The following ACBD6 variants were observed in gnomAD, a reference collection of about 807,000 sequenced individuals.
ACBD6 encodes acyl-CoA-binding domain-containing protein 6.
In ACBD6, 28 loss-of-function variants were observed where a neutral mutation model predicts 37.2. The observed-to-expected ratio is 0.75, with a 90% confidence interval of 0.56 to 1.03. The LOEUF is 1.03. Ranked by LOEUF, ACBD6 falls within the 50% of genes least tolerant of loss-of-function variation. ACBD6 has a pLI of 0.00. For synonymous variants in ACBD6, 113 were observed against 126.8 expected (o/e 0.89, Z 0.73); for missense variants, 340 against 337.4 (o/e 1.01, Z -0.06).
intron 8 of ACBD6, among the ~76,000 whole-genome samples, chr1:180,281,755 A>T (rs996919163): frequency 6.6e-6 from 1 of 151,984 alleles, no homozygotes; most frequent in African/African-American, 2.4e-5. Context: ...GTATTGAGTT[A>T]GGAGGGAGAA....
intron 6 of ACBD6, among the ~76,000 whole-genome samples, chr1:180,391,002 T>C (rs1384000145): frequency 6.6e-6 from 1 of 152,136 alleles, no homozygotes; most frequent in Non-Finnish European, 1.5e-5. Context: ...TGGAATAAAA[T>C]TAAGAATCTA....
chr1:180,413,332 T>G (rs74132812), intron 5 of ACBD6, 34 bp downstream of exon 5: 2 of 1,542,118 alleles, frequency 1.3e-6, no homozygotes, highest in South Asian at 2.2e-5. Context: ...CAACCATGCA[T>G]AGGAAAATAA....
At chr1:180,372,662 T>C (rs79372238) in intron 6 of ACBD6, among the ~76,000 whole-genome samples, 3,165 of 152,248 alleles carry the variant, frequency 0.021, 51 homozygotes, top group Non-Finnish European at 0.026. Flanking sequence ...ATGTAAAAAA[T>C]GCATCCTTAG....
chr1:180,440,249 C>T (rs55660948), intron 3 of ACBD6, among the ~76,000 whole-genome samples: 6,838 of 152,150 alleles, frequency 0.045, 225 homozygotes, highest in South Asian at 0.088. Flanking sequence ...GCTGGGATTA[C>T]AGATGCCCAC....
chr1:180,444,286 C>CAA (rs71719682), intron 3 of ACBD6, among the ~76,000 whole-genome samples: 1 of 114,770 alleles, frequency 8.7e-6, no homozygotes, highest in African/African-American at 3.1e-5. Flanking sequence ...TCCGTCTCTC[C>CAA]AAAAAAAAAA....
chr1:180,409,788 C>T (rs1035727760), intron 5 of ACBD6, among the ~76,000 whole-genome samples: 1 of 152,172 alleles, frequency 6.6e-6, no homozygotes, highest in East Asian at 1.9e-4. Context: ...ATACAATAGT[C>T]TCTAAGTTTC....
downstream of ACBD6, among the ~76,000 whole-genome samples, chr1:180,283,235 A>G (rs1649370734): frequency 6.6e-6 from 1 of 152,222 alleles, no homozygotes; most frequent in Non-Finnish European, 1.5e-5. Flanking sequence ...GAGAGGAAAA[A>G]TAAATCCTGC....
intron 6 of ACBD6, among the ~76,000 whole-genome samples, chr1:180,379,236 A>G (rs1439188701): frequency 6.6e-6 from 1 of 152,248 alleles, no homozygotes; most frequent in East Asian, 1.9e-4. Flanking sequence ...CACCATAGAT[A>G]TATCTGTAGG....
intron 3 of ACBD6, among the ~76,000 whole-genome samples, chr1:180,431,562 C>T (rs908052189): frequency 3.3e-5 from 5 of 151,978 alleles, no homozygotes; most frequent in African/African-American, 1.2e-4. Flanking sequence ...TACAATGGTT[C>T]GATTTATGAT....
At chr1:180,450,166 ATAAT>A in intron 3 of ACBD6, among the ~76,000 whole-genome samples, 1 of 152,364 alleles carries the variant, frequency 6.6e-6, no homozygotes, top group African/African-American at 2.4e-5. Context: ...AAGTTAAAGA[ATAAT>A]TAACATTGTA....
At chr1:180,442,292 C>CTT (rs59092425) in intron 3 of ACBD6, among the ~76,000 whole-genome samples, 6 of 149,402 alleles carry the variant, frequency 4.0e-5, no homozygotes, top group East Asian at 2.0e-4. Context: ...ACTAGGGGCA[C>CTT]TTTTTTTTTT....
intron 6 of ACBD6, among the ~76,000 whole-genome samples, chr1:180,366,381 A>AT (rs1411759165): frequency 6.6e-6 from 1 of 152,166 alleles, no homozygotes; most frequent in East Asian, 1.9e-4. Context: ...TTTCCTGGGG[A>AT]TAAAAACTAA....
intron 6 of ACBD6, among the ~76,000 whole-genome samples, chr1:180,320,815 TCATTTTTG>T (rs1651041897): frequency 6.6e-6 from 1 of 152,202 alleles, no homozygotes; most frequent in Non-Finnish European, 1.5e-5. Flanking sequence ...TCTCAGTTGT[TCATTTTTG>T]CTTTGGTTGC....
intron 3 of ACBD6, among the ~76,000 whole-genome samples, chr1:180,451,423 C>A (rs950654376): frequency 6.6e-6 from 1 of 152,116 alleles, no homozygotes; most frequent in East Asian, 1.9e-4. Flanking sequence ...AAAACTTGCA[C>A]ACAAATGTTC....
At chr1:180,487,924 G>T (rs1459547755) in intron 3 of ACBD6, among the ~76,000 whole-genome samples, 1 of 152,182 alleles carries the variant, frequency 6.6e-6, no homozygotes, top group Non-Finnish European at 1.5e-5. Context: ...AATCAGGTTA[G>T]TACTAGCCAC....
intron 3 of ACBD6, among the ~76,000 whole-genome samples, chr1:180,468,107 T>G (rs1650420105): frequency 6.6e-6 from 1 of 152,172 alleles, no homozygotes; most frequent in African/African-American, 2.4e-5. Flanking sequence ...CATAGGATCT[T>G]TTCCAGTCAG....
chr1:180,325,675 G>A (rs116372587), intron 6 of ACBD6, among the ~76,000 whole-genome samples: 2,187 of 152,208 alleles, frequency 0.014, 64 homozygotes, highest in African/African-American at 0.049. Flanking sequence ...TGTAGTCTTC[G>A]CAATTTGGGC....
intron 6 of ACBD6, among the ~76,000 whole-genome samples, chr1:180,388,556 A>G (rs988494072): frequency 3.9e-5 from 6 of 152,232 alleles, no homozygotes; most frequent in South Asian, 2.1e-4. Context: ...AACTAATAGA[A>G]GCATTCAGAA....
At chr1:180,452,908 T>A (rs976188441) in intron 3 of ACBD6, among the ~76,000 whole-genome samples, 44 of 152,268 alleles carry the variant, frequency 2.9e-4, no homozygotes, top group African/African-American at 1.1e-3. Flanking sequence ...GTTCTGAAAT[T>A]GAGGCAGTAA....
Sources: allele counts gnomAD v4.1 joint callset (sites outside exome capture counted in the v4.1 genomes callset), GRCh38; gene constraint gnomAD v4.1.1; transcripts MANE v1.5; gene names NCBI Gene and HGNC (gene_info 2026-07-23, HGNC 2026-07-21).